The following ACTN2 variants were observed in gnomAD, a reference collection of about 807,000 sequenced individuals.
The protein encoded by ACTN2 is alpha-actinin-2.
In ACTN2, 39 loss-of-function variants were observed where a neutral mutation model predicts 113.8. The observed-to-expected ratio is 0.34, with a 90% CI of 0.27 to 0.45. ACTN2 has a LOEUF of 0.45. ACTN2 is among the 20% of genes least tolerant of loss of function. The probability of loss-of-function intolerance (pLI) is 1.00; values close to 1 mark genes in which losing one functional copy is unlikely to be tolerated. For synonymous variants in ACTN2, 429 were observed against 444.1 expected (o/e 0.97, Z 0.43); for missense variants, 992 against 1,177.9 (o/e 0.84, Z 2.31).
intron 3 of ACTN2, 142 bp from the exon 4 acceptor site, chr1:236,719,963 C>G (rs1176984366): frequency 1.5e-6 from 1 of 672,264 alleles, no homozygotes; most frequent in South Asian, 1.7e-5. Flanking sequence ...AGACATACTG[C>G]GGTGCTTATA....
At chr1:236,710,802 T>C (rs1658002399) in intron 1 of ACTN2, among the ~76,000 whole-genome samples, 1 of 152,180 alleles carries the variant, frequency 6.6e-6, no homozygotes, top group Non-Finnish European at 1.5e-5. Context: ...GTGAACTGTG[T>C]GCCAGAAATC....
At chr1:236,700,359 A>G (rs1020104153) in intron 1 of ACTN2, among the ~76,000 whole-genome samples, 1 of 151,960 alleles carries the variant, frequency 6.6e-6, no homozygotes, top group Non-Finnish European at 1.5e-5. Flanking sequence ...ATTGTCACTG[A>G]TATTTTTAGA....
intron 14 of ACTN2, 107 bp downstream of exon 14, chr1:236,749,371 T>G: frequency 6.8e-7 from 1 of 1,475,912 alleles, no homozygotes; most frequent in Non-Finnish European, 9.3e-7. Flanking sequence ...AAAAAAAAAT[T>G]AACAAATGTG....
chr1:236,725,744 G>A (rs948820955), intron 4 of ACTN2, among the ~76,000 whole-genome samples, 189 bp from the exon 5 acceptor site: 2 of 152,158 alleles, frequency 1.3e-5, no homozygotes, highest in Admixed American at 1.3e-4. Context: ...TTGTCCTTTT[G>A]AAGTCCCTAA....
intron 20 of ACTN2, among the ~76,000 whole-genome samples, 156 bp downstream of exon 20, chr1:236,761,329 A>T (rs1287275829): frequency 6.6e-6 from 1 of 152,208 alleles, no homozygotes; most frequent in Non-Finnish European, 1.5e-5. Context: ...GACACACAAC[A>T]ATGGCGCGCC....
At chr1:236,746,087 A>G (rs1659226972) in intron 12 of ACTN2, among the ~76,000 whole-genome samples, 1 of 148,206 alleles carries the variant, frequency 6.7e-6, no homozygotes, top group Non-Finnish European at 1.5e-5. Flanking sequence ...AATGGTGTGA[A>G]CCCGGGAGGC....
chr1:236,727,807 T>C (rs772024673), intron 6 of ACTN2, 51 bp downstream of exon 6: 1 of 1,574,352 alleles, frequency 6.4e-7, no homozygotes. Context: ...CGTCTCAGCA[T>C]GTCCTGCAAA....
chr1:236,717,897 G>T lies in ACTN2; in HGVS notation c.166G>T (p.Gly56Cys). The T allele has an allele frequency of 6.2e-7, 1 of 1,614,078 alleles. No individual in the cohort carries two copies. The highest frequency in any genetic ancestry group is 8.5e-7 in the Non-Finnish European group (1 of 1,180,008). The change falls in exon 2 of 21, where the codon GGC (glycine) becomes TGC (cysteine). Residue 56 changes from glycine to cysteine, a missense_variant. Gly to Cys is a radical substitution (Grantham distance 159, BLOSUM62 -3). This residue lies in a region of ACTN2 where 220 missense variants were observed against 337.5 expected (regional missense o/e 0.65). Transcript: ENST00000366578. ...GTGTAACTCCCACCTAAGGAAAGCC[G>T]GCACCCAGATTGAGAACATCGAGGA... Reference protein sequence around the residue: ...AWCNSHLRKAGTQIENIEEDF... With the variant: ...AWCNSHLRKACTQIENIEEDF...
intron 1 of ACTN2, among the ~76,000 whole-genome samples, chr1:236,697,568 A>G (rs1171469744): frequency 1.3e-5 from 2 of 152,174 alleles, no homozygotes; most frequent in African/African-American, 2.4e-5. Flanking sequence ...AACATCATGT[A>G]TTAGACAACT....
chr1:236,748,381 A>G (rs903969874), intron 13 of ACTN2, among the ~76,000 whole-genome samples: 8 of 152,142 alleles, frequency 5.3e-5, no homozygotes, highest in African/African-American at 1.7e-4. Context: ...CCAAATGCCA[A>G]ATGGCTGTGA....
chr1:236,731,170 A>C, intron 6 of ACTN2, 63 bp from the exon 7 acceptor site: 2 of 1,325,002 alleles, frequency 1.5e-6, no homozygotes, highest in African/African-American at 2.9e-5. Context: ...CATAAGAAAC[A>C]TTCTTCATAA....
rs1257794736 is a variant in ACTN2 at position 236,744,651 on chromosome 1, G to A, written c.1281G>A (p.Lys427=). The change falls in exon 12 of 21, where the codon AAG becomes AAA. Residue 427 remains lysine (K), a synonymous_variant. Coordinates refer to ENST00000366578, the MANE Select transcript of ACTN2 (RefSeq NM_001103.4). ...AYGKEQILLQ[K]DYESASLTEV... ...GCAAAGAGCAGATCTTGCTGCAGAA[G>A]GATTACGAGTCGGCGTCGCTGACAG... The A allele has an allele frequency of 1.2e-6, 2 of 1,614,222 alleles. No homozygotes were observed. Among genetic ancestry groups the A allele is most frequent in the South Asian group, 1.1e-5 (1 of 91,082 alleles).
intron 9 of ACTN2, among the ~76,000 whole-genome samples, chr1:236,738,520 C>G (rs1307502424): frequency 6.6e-6 from 1 of 152,170 alleles, no homozygotes; most frequent in Non-Finnish European, 1.5e-5. Flanking sequence ...GCCAGAGGAT[C>G]CTTAGGAATT....
At chr1:236,755,282 C>CTT (rs1659522352) in intron 17 of ACTN2, 84 bp downstream of exon 17, 3 of 1,502,158 alleles carry the variant, frequency 2.0e-6, no homozygotes, top group Non-Finnish European at 2.8e-6. Context: ...ATGCACTTGT[C>CTT]TTTCTTTGTT....
At chr1:236,709,316 G>GTA (rs1174547147) in intron 1 of ACTN2, among the ~76,000 whole-genome samples, 9 of 103,854 alleles carry the variant, frequency 8.7e-5, no homozygotes, top group South Asian at 6.0e-4. Flanking sequence ...ACGTATATAT[G>GTA]TATATATATA....
intron 1 of ACTN2, among the ~76,000 whole-genome samples, chr1:236,712,920 CTT>C (rs5781920): frequency 0.14 from 20,231 of 145,300 alleles, 1,713 homozygotes; most frequent in African/African-American, 0.24. Context: ...CCATCAGTTG[CTT>C]TTTTTTTTTT....
intron 12 of ACTN2, among the ~76,000 whole-genome samples, chr1:236,746,065 C>G: frequency 6.8e-6 from 1 of 147,744 alleles, no homozygotes. Flanking sequence ...ACTCAGGAGG[C>G]TGAGGCAGGA....
At chr1:236,723,833 T>C (rs1658469632) in intron 4 of ACTN2, among the ~76,000 whole-genome samples, 1 of 152,132 alleles carries the variant, frequency 6.6e-6, no homozygotes, top group South Asian at 2.1e-4. Context: ...CTTCCTAAGA[T>C]GGAAGGCCCC....
intron 1 of ACTN2, among the ~76,000 whole-genome samples, chr1:236,707,709 C>CTTTTTTTTTTTTTTTTTTT (rs5781919): frequency 1.0e-4 from 8 of 78,750 alleles, no homozygotes; most frequent in African/African-American, 3.0e-4. Context: ...TCTTTTTTTT[C>CTTTTTTTTTTTTTTTTTTT]TTTTTTTTTT....
Sources: allele counts gnomAD v4.1 joint callset (sites outside exome capture counted in the v4.1 genomes callset), GRCh38; gene constraint gnomAD v4.1.1; regional missense constraint gnomAD v4.1.1; transcripts MANE v1.5; gene names NCBI Gene and HGNC (gene_info 2026-07-23, HGNC 2026-07-21).